Variants in NELL2 observed in about 807,000 individuals in gnomAD.
NELL2 encodes neural EGFL like 2, also known as protein kinase C-binding protein NELL2.
A neutral mutation model predicts 109.6 loss-of-function variants in NELL2; 41 were observed. The observed-to-expected ratio is 0.37, with a 90% confidence interval of 0.29 to 0.49. The LOEUF (loss-of-function observed/expected upper bound fraction) is 0.49. NELL2 is among the 20% of genes least tolerant of loss of function. NELL2 has a pLI of 0.98. For synonymous variants in NELL2, 355 were observed against 344.7 expected, an observed-to-expected ratio of 1.03 and a Z score of -0.33; for missense variants, 900 against 1,008.3, an observed-to-expected ratio of 0.89 and a Z score of 1.45.
At chr12:44,573,070 T>C (rs1391545230) in intron 15 of NELL2, among the ~76,000 whole-genome samples, 2 of 152,178 alleles carry the variant, frequency 1.3e-5, no homozygotes, top group African/African-American at 2.4e-5. Context: ...TCCAATAATA[T>C]GGATTGAGCT....
chr12:44,702,041 T>C (rs1024289154), intron 12 of NELL2, among the ~76,000 whole-genome samples: 1 of 152,146 alleles, frequency 6.6e-6, no homozygotes, highest in Non-Finnish European at 1.5e-5. Flanking sequence ...CTTTTTATTC[T>C]TCTGGTTGAA....
chr12:44,703,792 CA>C lies in NELL2; in HGVS notation c.1251del (p.Asn417LysfsTer361), dbSNP rs1162797469. Reference protein sequence around the residue: ...CMENSICRNLNDRAVCSCRDG... With the variant: ...CMENSICRNLXDRAVCSCRDG... ...TCTCGACAGCTACAAACAGCCCTGT[CA>C]TTCAGATTTCTGCAGATGGAATTCT... is the stretch of plus-strand genomic sequence containing the variant. On this transcript the variant is annotated frameshift_variant, in exon 12 of 20. Transcript: ENST00000429094. LOFTEE classifies it high-confidence loss of function. The C allele has an allele frequency of 6.2e-7, 1 of 1,613,450 alleles. No homozygotes were observed. The highest frequency in any genetic ancestry group is 8.5e-7 in the Non-Finnish European group (1 of 1,179,634).
intron 3 of NELL2, among the ~76,000 whole-genome samples, chr12:44,786,773 G>A (rs1287340562): frequency 3.3e-5 from 5 of 152,218 alleles, no homozygotes; most frequent in East Asian, 1.9e-4. Flanking sequence ...AACTAACACA[G>A]GAAGAGAAAA....
chr12:44,677,013 C>T (rs1324296725), intron 12 of NELL2, among the ~76,000 whole-genome samples: 1 of 152,054 alleles, frequency 6.6e-6, no homozygotes, highest in Non-Finnish European at 1.5e-5. Flanking sequence ...TTGAGAAGGA[C>T]AGCGCCATCT....
intron 9 of NELL2, among the ~76,000 whole-genome samples, chr12:44,770,046 T>C (rs78199032): frequency 0.016 from 2,463 of 152,252 alleles, 78 homozygotes; most frequent in African/African-American, 0.056. Context: ...CATTACATAC[T>C]ATTTGATCTT....
At chr12:44,524,784 G>C (rs906423607) in intron 16 of NELL2, among the ~76,000 whole-genome samples, 3 of 152,076 alleles carry the variant, frequency 2.0e-5, no homozygotes, top group Admixed American at 2.0e-4. Context: ...GATTTGTTAA[G>C]GATAATATTA....
chr12:44,512,849 T>C (rs1012931131), intron 19 of NELL2, among the ~76,000 whole-genome samples: 2 of 152,010 alleles, frequency 1.3e-5, no homozygotes, highest in African/African-American at 4.8e-5. Flanking sequence ...TTGGTTAAAG[T>C]ATACAAAATT....
chr12:44,774,632 C>T, intron 9 of NELL2, 115 bp downstream of exon 9: 1 of 794,976 alleles, frequency 1.3e-6, no homozygotes, highest in Non-Finnish European at 2.1e-6. Context: ...TCCTTTATTC[C>T]ATCACTTCTG....
intron 10 of NELL2, among the ~76,000 whole-genome samples, chr12:44,714,192 A>AACAC (rs536726234): frequency 3.3e-3 from 502 of 152,112 alleles, no homozygotes; most frequent in Non-Finnish European, 5.8e-3. Context: ...ACTAATTTAA[A>AACAC]ACACTCCTTC....
intron 9 of NELL2, among the ~76,000 whole-genome samples, chr12:44,769,356 C>A (rs1941456767): frequency 6.6e-6 from 1 of 152,044 alleles, no homozygotes; most frequent in African/African-American, 2.4e-5. Flanking sequence ...AAAAGGCACT[C>A]ATCTTCATTA....
At chr12:44,905,205 A>G (rs1005926629) in intron 1 of NELL2, among the ~76,000 whole-genome samples, 1 of 152,112 alleles carries the variant, frequency 6.6e-6, no homozygotes, top group Admixed American at 6.6e-5. Context: ...CAGATTGGGT[A>G]TCTCAGCCTG....
intron 1 of NELL2, among the ~76,000 whole-genome samples, chr12:44,912,094 G>A (rs1418881235): frequency 3.3e-5 from 5 of 151,948 alleles, no homozygotes; most frequent in South Asian, 2.1e-4. Context: ...ACTGAGAATG[G>A]AAAAGCCCAC....
At chr12:44,801,733 G>T (rs1440348791) in intron 3 of NELL2, among the ~76,000 whole-genome samples, 1 of 152,150 alleles carries the variant, frequency 6.6e-6, no homozygotes, top group African/African-American at 2.4e-5. Context: ...GGCGCTGAAA[G>T]TGTTAACCCT....
At chr12:44,647,718 G>A (rs1446801314) in intron 13 of NELL2, among the ~76,000 whole-genome samples, 3 of 149,834 alleles carry the variant, frequency 2.0e-5, no homozygotes, top group Non-Finnish European at 2.9e-5. Flanking sequence ...AGCAACAGAA[G>A]GTGAATAGAA....
At chr12:44,704,099 G>T (rs1347624756) in intron 11 of NELL2, among the ~76,000 whole-genome samples, 1 of 151,918 alleles carries the variant, frequency 6.6e-6, no homozygotes, top group Non-Finnish European at 1.5e-5. Context: ...CTTTATAAAT[G>T]CTATCTAGTC....
chr12:44,824,505 T>G (rs1354909637), intron 2 of NELL2, among the ~76,000 whole-genome samples: 2 of 152,052 alleles, frequency 1.3e-5, no homozygotes, highest in Non-Finnish European at 2.9e-5. Flanking sequence ...TTGAAGAGAC[T>G]GTCCTTTCCC....
intron 2 of NELL2, among the ~76,000 whole-genome samples, chr12:44,848,560 T>A (rs939080930): frequency 6.6e-6 from 1 of 152,052 alleles, no homozygotes; most frequent in African/African-American, 2.4e-5. Flanking sequence ...CCATCCCACC[T>A]GGACAGAAGC....
chr12:44,637,203 T>C (rs1033467091), intron 13 of NELL2, among the ~76,000 whole-genome samples: 1 of 151,920 alleles, frequency 6.6e-6, no homozygotes, highest in African/African-American at 2.4e-5. Flanking sequence ...AAAACGCTCC[T>C]AGATTCATTG....
In NELL2 at chr12:44,523,364, T is replaced by C. The variant is rs773598023; in HGVS notation, c.1925A>G (p.His642Arg). 6.2e-7 allele frequency: 1 copy of C among 1,614,224 alleles called. No individual in the cohort carries two copies. The highest frequency in any genetic ancestry group is 1.1e-5 in the South Asian group (1 of 91,084). The change falls in exon 17 of 20, where the codon CAT becomes CGT. Residue 642 changes from histidine to arginine, a missense_variant. By Grantham distance (29) the His-to-Arg change is conservative. Transcript: ENST00000429094. ...ACCATTGTGCTTAACTTTTCCATCA[T>C]GGATGCAGTCCCCTGTGCAATTCTT... ...HGKNCTGDCI[H>R]DGKVKHNGQI...
Sources: allele counts gnomAD v4.1 joint callset (sites outside exome capture counted in the v4.1 genomes callset), GRCh38; gene constraint gnomAD v4.1.1; transcripts MANE v1.5; gene names NCBI Gene and HGNC (gene_info 2026-07-23, HGNC 2026-07-21).